The following FBN1 variants were observed in gnomAD, a reference collection of about 807,000 sequenced individuals.
FBN1 encodes fibrillin 1, also known as fibrillin-1.
Under a neutral mutation model 365.1 loss-of-function variants are expected in FBN1, and 29 were observed. That is an observed-to-expected ratio of 0.08 (90% CI 0.06 to 0.11). FBN1 has a LOEUF of 0.11. FBN1 is among the 10% of genes least tolerant of loss of function. FBN1 has a pLI of 1.00. For synonymous variants in FBN1, 1,210 were observed against 1,270.5 expected, an observed-to-expected ratio of 0.95 and a Z score of 1.01; for missense variants, 2,476 against 3,703.2, an observed-to-expected ratio of 0.67 and a Z score of 8.60.
intron 9 of FBN1, 87 bp from the exon 10 acceptor site, chr15:48,520,904 C>T: frequency 6.4e-7 from 1 of 1,559,420 alleles, no homozygotes. Flanking sequence ...CTCCATACTT[C>T]ACACTGGGGC....
rs113820382 is a variant in FBN1 at position 48,424,964 on chromosome 15, G to A, written c.7453+405C>T. On this transcript the variant is annotated intron_variant, in intron 60 of 65. Coordinates refer to ENST00000316623, the MANE Select transcript of FBN1 (RefSeq NM_000138.5). ...ATTCATTAGGCACAATGTCCTCTAC[G>A]ATCATGGCACTGATTATTCCGAGGC... 9.4e-3 allele frequency among the ~76,000 whole-genome samples: 1,428 copies of A among 152,286 alleles called. 12 individuals are homozygous for A. The highest frequency in any genetic ancestry group is 0.026 in the African/African-American group (1,076 of 41,556).
chr15:48,593,035 T>C (rs1358697183), intron 6 of FBN1, among the ~76,000 whole-genome samples: 1 of 152,226 alleles, frequency 6.6e-6, no homozygotes, highest in Non-Finnish European at 1.5e-5. Flanking sequence ...CTTATCTTAA[T>C]GACAAAAAGC....
At chr15:48,575,451 G>A (rs1566930319) in intron 6 of FBN1, among the ~76,000 whole-genome samples, 1 of 152,152 alleles carries the variant, frequency 6.6e-6, no homozygotes, top group African/African-American at 2.4e-5. Flanking sequence ...TATCTGAATT[G>A]TGAGCATTGT....
chr15:48,446,867 A>G (rs1434308879), intron 46 of FBN1, 45 bp from the exon 47 acceptor site: 2 of 1,349,220 alleles, frequency 1.5e-6, no homozygotes, highest in Non-Finnish European at 2.1e-6. Context: ...ATAAGTAGAA[A>G]AAGTGGTTAC....
chr15:48,506,922 C>A (rs2043713457), intron 15 of FBN1, among the ~76,000 whole-genome samples: 1 of 149,894 alleles, frequency 6.7e-6, no homozygotes. Context: ...CTGTGGAGCT[C>A]TCTCTCTCTC....
At chr15:48,638,037 C>CT (rs72166602) in intron 2 of FBN1, among the ~76,000 whole-genome samples, 30,790 of 144,508 alleles carry the variant, frequency 0.21, 5,649 homozygotes, top group African/African-American at 0.51. Context: ...CACTGATAAA[C>CT]TTTTTTTTTT....
At chr15:48,547,772 C>G (rs996203297) in intron 6 of FBN1, among the ~76,000 whole-genome samples, 18 of 135,286 alleles carry the variant, frequency 1.3e-4, no homozygotes, top group Non-Finnish European at 2.3e-4. Context: ...CACACACACA[C>G]ACAGTCACAG....
chr15:48,456,516 T>C, intron 44 of FBN1, 121 bp downstream of exon 44: 3 of 1,029,360 alleles, frequency 2.9e-6, no homozygotes, highest in Middle Eastern at 2.0e-4. Context: ...CCATGCCCTT[T>C]ACTATTTCTA....
rs1313234034 is a variant in FBN1 at position 48,428,163 on chromosome 15, T to A, written c.6997+183A>T. ...GGATCCAATTAGCAAAGGAAGAATTTAGCTGCAGGGTGGTGCTGAGCCCAA... is the reference window on the plus strand; with the variant it reads ...GGATCCAATTAGCAAAGGAAGAATTAAGCTGCAGGGTGGTGCTGAGCCCAA... On this transcript the variant is annotated intron_variant, in intron 57 of 65. Transcript: ENST00000316623. The A allele has an allele frequency of 7.9e-6, 6 of 755,178 alleles. No homozygotes were observed. In the Admixed American group the frequency reaches 1.5e-4, roughly 18 times the overall value. 46.8% of individuals were successfully genotyped at this position (755,178 alleles called of 1,614,324 possible).
chr15:48,460,192 T>C, intron 43 of FBN1, 54 bp downstream of exon 43: 8 of 1,307,260 alleles, frequency 6.1e-6, no homozygotes, highest in Non-Finnish European at 8.9e-6. Flanking sequence ...GAAAAAATAA[T>C]GCTAACACAA....
intron 13 of FBN1, among the ~76,000 whole-genome samples, chr15:48,511,621 G>A (rs958542797): frequency 6.6e-6 from 1 of 151,910 alleles, no homozygotes; most frequent in African/African-American, 2.4e-5. Context: ...CCTTCTACTC[G>A]GCCCCTCACT....
intron 43 of FBN1, among the ~76,000 whole-genome samples, chr15:48,459,374 C>T (rs971346706): frequency 6.6e-6 from 1 of 152,196 alleles, no homozygotes; most frequent in Non-Finnish European, 1.5e-5. Context: ...GTGGACGAGA[C>T]TGTGGAGCCA....
In FBN1 at chr15:48,494,012, C is replaced by T. The variant is rs1252145855; in HGVS notation, c.2728+192G>A. 2.0e-5 allele frequency among the ~76,000 whole-genome samples: 3 copies of T among 152,206 alleles called. 1 individual carries two copies. The highest frequency in any genetic ancestry group is 4.1e-4 in the South Asian group (2 of 4,828). On this transcript the variant is annotated intron_variant, in intron 23 of 65. Transcript: ENST00000316623. Reference sequence around the variant, plus strand: ...CACCCACCCTGTCCTTTGGACATAGCGTTCTGACACTAGCAACAGTATATA... The same window carrying T: ...CACCCACCCTGTCCTTTGGACATAGTGTTCTGACACTAGCAACAGTATATA...
intron 61 of FBN1, 90 bp downstream of exon 61, chr15:48,421,857 CTTTTA>C (rs1366796558): frequency 8.9e-6 from 11 of 1,232,122 alleles, no homozygotes; most frequent in East Asian, 2.3e-5. Flanking sequence ...TTTCTTTGAG[CTTTTA>C]TTTTCTTATC....
chr15:48,513,855 G>A (rs916947204), intron 12 of FBN1, among the ~76,000 whole-genome samples, 187 bp from the exon 13 acceptor site: 3 of 152,162 alleles, frequency 2.0e-5, no homozygotes, highest in Non-Finnish European at 4.4e-5. Flanking sequence ...AGCAGTTAAA[G>A]TGTATTATTT....
At chr15:48,635,353 G>A (rs759523090) in intron 2 of FBN1, among the ~76,000 whole-genome samples, 21 of 152,100 alleles carry the variant, frequency 1.4e-4, no homozygotes, top group Non-Finnish European at 2.8e-4. Context: ...TTTAAATCTA[G>A]GATTTGATAT....
At chr15:48,619,586 A>G (rs558324846) in intron 2 of FBN1, among the ~76,000 whole-genome samples, 8 of 152,122 alleles carry the variant, frequency 5.3e-5, no homozygotes, top group Admixed American at 3.3e-4. Flanking sequence ...CTCAAACTCA[A>G]TTTATCCAAG....
At chr15:48,455,550 GC>G (rs2043232332) in intron 44 of FBN1, among the ~76,000 whole-genome samples, 1 of 152,206 alleles carries the variant, frequency 6.6e-6, no homozygotes, top group Non-Finnish European at 1.5e-5. Flanking sequence ...AAGATCATCT[GC>G]CGTGGGTTCC....
intron 30 of FBN1, 39 bp downstream of exon 30, chr15:48,485,335 C>A (rs1260521841): frequency 1.9e-6 from 3 of 1,613,928 alleles, no homozygotes; most frequent in South Asian, 1.1e-5. Flanking sequence ...TACTTAGGAA[C>A]CTACTGAGAG....
Sources: allele counts gnomAD v4.1 joint callset (sites outside exome capture counted in the v4.1 genomes callset), GRCh38; gene constraint gnomAD v4.1.1; transcripts MANE v1.5; gene names NCBI Gene and HGNC (gene_info 2026-07-23, HGNC 2026-07-21).